MEX3C: variants seen among roughly 807,000 people sequenced by gnomAD.
MEX3C encodes RNA-binding E3 ubiquitin-protein ligase MEX3C.
Under a neutral mutation model 35.5 loss-of-function variants are expected in MEX3C, and 15 were observed. The observed-to-expected ratio is 0.42, with a 90% confidence interval of 0.28 to 0.65. MEX3C has a LOEUF of 0.65. Ranked by LOEUF, MEX3C falls within the 30% of genes least tolerant of loss-of-function variation. The pLI is 0.20. For missense variants in MEX3C, 711 were observed against 842.8 expected (o/e 0.84, Z 1.94); for synonymous variants, 390 against 352.8 (o/e 1.11, Z -1.18).
In MEX3C at chr18:51,176,423, G is replaced by C; in HGVS notation, c.1908C>G (p.Ile636Met). The change falls in exon 2 of 2, where the codon ATC (isoleucine) becomes ATG (methionine). Residue 636 changes from isoleucine to methionine, a missense_variant. By Grantham distance (10) the Ile-to-Met change is conservative. Around this residue, in one of 4 missense-constraint regions of MEX3C, gnomAD observed 87 missense variants for 150.4 expected, o/e 0.58. Coordinates refer to ENST00000406189, the MANE Select transcript of MEX3C (RefSeq NM_016626.5). ...GACATGATGGCGTTCTCTTTTCACA[G>C]ATCTTGTTGGCACATTCCATGCAGA... The part of the protein sequence containing the change: ...NLFCMECANK[I>M]CEKRTPSCPV... 1 of 1,613,994 alleles carries C rather than the reference G, an allele frequency of 6.2e-7. No homozygotes were observed. Among genetic ancestry groups the C allele is most frequent in the Non-Finnish European group, 8.5e-7 (1 of 1,179,886 alleles).
rs944149920 is a variant in MEX3C, at chr18:51,197,644, G to A, written c.-324C>T. On this transcript the variant is annotated 5_prime_UTR_variant, in exon 1 of 2. Coordinates refer to ENST00000406189, the MANE Select transcript of MEX3C (RefSeq NM_016626.5). ...TGGCCTTAACCAGCCCCCGGCGCGC[G>A]CGGCGGCGGCGGCTACGCCCCACGC... is the stretch of plus-strand genomic sequence containing the variant. 2.0e-5 allele frequency among the ~76,000 whole-genome samples: 3 copies of A among 150,190 alleles called. No homozygotes were observed. Among genetic ancestry groups the A allele is most frequent in the Non-Finnish European group, 4.4e-5 (3 of 67,746 alleles).
At chr18:51,182,064 A>G (rs957866763) in intron 1 of MEX3C, among the ~76,000 whole-genome samples, 4 of 152,218 alleles carry the variant, frequency 2.6e-5, no homozygotes, top group Non-Finnish European at 5.9e-5. Flanking sequence ...AGTACAGAAT[A>G]AAAAGATATT....
rs1289853639 is a variant in MEX3C at position 51,177,005 on chromosome 18, A to G, written c.1326T>C (p.Tyr442=). The change falls in exon 2 of 2, where the codon TAT becomes TAC. Residue 442 remains tyrosine, a synonymous_variant. Coordinates refer to ENST00000406189, the MANE Select transcript of MEX3C (RefSeq NM_016626.5). This position sits in a 1 kb window ranked among gnomAD's most constrained non-coding sequence, Gnocchi z 4.2. The part of the protein sequence containing the change: ...PPSRARMISN[Y]RNDSSSSLGS... ...CTAGAGAACTGGAACTATCATTTCG[A>G]TAATTGGATATCATTCTTGCGCGGC... 15 of 1,613,920 alleles carry G rather than the reference A, an allele frequency of 9.3e-6. No homozygotes were observed. Among genetic ancestry groups the G allele is most frequent in the Non-Finnish European group, 1.3e-5 (15 of 1,179,898 alleles).
chr18:51,177,639 A>G lies in MEX3C; in HGVS notation c.755-63T>C. 6.7e-7 allele frequency: 1 copy of G among 1,485,912 alleles called. No homozygotes were observed. Among genetic ancestry groups the G allele is most frequent in the Non-Finnish European group, 9.0e-7 (1 of 1,111,888 alleles). 92.0% of individuals were successfully genotyped at this position (1,485,912 alleles called of 1,614,324 possible). On this transcript the variant is annotated intron_variant, in intron 1 of 1. Transcript: ENST00000406189. This position sits in a 1 kb window ranked among gnomAD's most constrained non-coding sequence, Gnocchi z 4.2. ...ACTTCAATGATATATATAAAGACAA[A>G]TCACAGAATGCACCTTTTAAGCTAA...
Position 51,196,697 on chromosome 18 carries a change from G to T in MEX3C, c.624C>A (p.Gly208=). The stretch of plus-strand genomic sequence containing the variant: ...GGGCGGCCGCCGCCGCCCCACAACC[G>T]CCGGGGCCGTAGGCGTGGGACAGCA... ...AAMLSHAYGP[G]GCGAAAAALN... Residue 208 remains glycine (G), a synonymous_variant, in exon 1 of 2, where the codon GGC becomes GGA. Transcript: ENST00000406189. 1 of 1,541,728 alleles carries T rather than the reference G, an allele frequency of 6.5e-7. No individual in the cohort carries two copies.
chr18:51,195,336 T>C (rs1228752241), intron 1 of MEX3C: 1 of 152,206 alleles, frequency 6.6e-6, no homozygotes, highest in African/African-American at 2.4e-5. Context: ...TGTCTGTAAG[T>C]GCCAATCATC....
At chr18:51,192,496 A>C (rs1162161176) in intron 1 of MEX3C, among the ~76,000 whole-genome samples, 1 of 152,216 alleles carries the variant, frequency 6.6e-6, no homozygotes, top group Non-Finnish European at 1.5e-5. Context: ...AGCTGGACAC[A>C]TTAGAACTAT....
At chr18:51,189,552 T>G (rs943032704) in intron 1 of MEX3C, among the ~76,000 whole-genome samples, 1 of 152,176 alleles carries the variant, frequency 6.6e-6, no homozygotes, top group African/African-American at 2.4e-5. Flanking sequence ...CTAAAACCCC[T>G]CTTTTTTCAC....
intron 1 of MEX3C, chr18:51,196,333 TG>T: frequency 2.2e-6 from 2 of 924,540 alleles, no homozygotes; most frequent in Non-Finnish European, 1.5e-6. Context: ...ACCACCGGAC[TG>T]GGTCGCCCGA....
At chr18:51,183,886 C>T (rs941235825) in intron 1 of MEX3C, among the ~76,000 whole-genome samples, 1 of 152,080 alleles carries the variant, frequency 6.6e-6, no homozygotes, top group African/African-American at 2.4e-5. Context: ...GGAGTCCTAG[C>T]TATATGGGAG....
intron 1 of MEX3C, chr18:51,196,102 A>C: frequency 5.3e-6 from 1 of 186,922 alleles, no homozygotes; most frequent in Non-Finnish European, 1.1e-5. Context: ...AGCTCTGTCT[A>C]CAGGCCTCCA....
chr18:51,176,806 T>G lies in MEX3C; in HGVS notation c.1525A>C (p.Ile509Leu). The change falls in exon 2 of 2, where the codon ATC becomes CTC. Residue 509 changes from isoleucine (I) to leucine (L), a missense_variant. Ile to Leu is a conservative substitution (Grantham distance 5). Transcript: ENST00000406189. ...TTAACTGGTTCAAATGGAGTCCAGA[T>G]AGTTTGAGCAGATGTTGGTAAAGAG... ...FDSLPTSAQTIWTPFEPVNPL... is the reference protein window; with the variant it reads ...FDSLPTSAQTLWTPFEPVNPL... The G allele has an allele frequency of 6.2e-7, 1 of 1,613,944 alleles. No individual in the cohort carries two copies. Among genetic ancestry groups the G allele is most frequent in the Non-Finnish European group, 8.5e-7 (1 of 1,179,864 alleles).
rs535415024 is a variant in MEX3C at position 51,176,255 on chromosome 18, C to A, written c.*96G>T. 6.6e-6 allele frequency: 8 copies of A among 1,209,558 alleles called. No homozygotes were observed. The South Asian group carries it at 1.3e-4, about 20-fold the overall frequency. 74.9% of individuals were successfully genotyped at this position (1,209,558 alleles called of 1,614,324 possible). On this transcript the variant is annotated 3_prime_UTR_variant, in exon 2 of 2. Coordinates refer to ENST00000406189, the MANE Select transcript of MEX3C (RefSeq NM_016626.5). ...AATCCCAATAAAGCCTGATAACAGT[C>A]ATAAGAAATCATTAGGAAGTTTACT...
rs750773756 is a variant in MEX3C at position 51,177,324 on chromosome 18, C to T, written c.1007G>A (p.Arg336His). Residue 336 changes from arginine to histidine, a missense_variant, in exon 2 of 2, where the codon CGT (arginine) becomes CAT (histidine). Physicochemically the swap from Arg to His is conservative, Grantham distance 29. Around this residue, in one of 4 missense-constraint regions of MEX3C, gnomAD observed 83 missense variants for 179.1 expected, o/e 0.46. Transcript: ENST00000406189. This position sits in a 1 kb window ranked among gnomAD's most constrained non-coding sequence, Gnocchi z 4.2. ...GGGTCCAACCACTAATCCTACCACA[C>T]GATAAGGGACCCTGACTTGGACGGT... ...QTTVQVRVPY[R>H]VVGLVVGPKG... 1.5e-5 allele frequency: 24 copies of T among 1,613,888 alleles called. No individual in the cohort carries two copies. Among genetic ancestry groups the T allele is most frequent in the South Asian group, 3.3e-5 (3 of 91,082 alleles).
Position 51,176,387 on chromosome 18 carries a change from C to T in MEX3C, c.1944G>A (p.Gln648=), listed in dbSNP as rs1309555319. 3.1e-6 allele frequency: 5 copies of T among 1,613,808 alleles called. No homozygotes were observed. The Admixed American group carries it at 8.3e-5, about 27-fold the overall frequency. The change falls in exon 2 of 2, where the codon CAG becomes CAA. Residue 648 remains glutamine (Q), a synonymous_variant. Transcript: ENST00000406189. The part of the protein sequence containing the change: ...EKRTPSCPVC[Q]TAVTQAIQIH... ...TTTGGATTGCCTGAGTAACAGCTGT[C>T]TGGCAAACTGGACATGATGGCGTTC...
intron 1 of MEX3C, 114 bp downstream of exon 1, chr18:51,196,453 G>A (rs1333742546): frequency 2.7e-6 from 4 of 1,463,994 alleles, no homozygotes; most frequent in East Asian, 5.1e-5. Context: ...ACCCCTTCGC[G>A]GTGGACTTGG....
chr18:51,188,494 G>A (rs910446809), intron 1 of MEX3C, among the ~76,000 whole-genome samples: 3 of 151,716 alleles, frequency 2.0e-5, no homozygotes, highest in East Asian at 3.9e-4. Context: ...TGCACTTACC[G>A]TCCCAGCTAC....
chr18:51,184,459 C>T (rs1050405851), intron 1 of MEX3C, among the ~76,000 whole-genome samples: 2 of 152,128 alleles, frequency 1.3e-5, no homozygotes, highest in South Asian at 4.2e-4. Context: ...TTAAAAACTC[C>T]ACAATCACTG....
intron 1 of MEX3C, chr18:51,194,146 C>CG (rs1192359802): frequency 6.6e-6 from 1 of 152,180 alleles, no homozygotes; most frequent in Non-Finnish European, 1.5e-5. Flanking sequence ...CATTAGAAGT[C>CG]ACTTCGTTCT....
Sources: gnomAD v4.1 joint callset for allele counts (sites outside exome capture counted in the v4.1 genomes callset) on GRCh38, gnomAD v4.1.1 for gene constraint, gnomAD v4.1.1 regional missense constraint, Gnocchi (gnomAD v3.1) non-coding constraint, MANE v1.5 for transcripts, NCBI Gene and HGNC (gene_info 2026-07-23, HGNC 2026-07-21) for gene names.